LRRTM4: variants seen among roughly 807,000 people sequenced by gnomAD.
LRRTM4 encodes the protein leucine-rich repeat transmembrane neuronal protein 4.
Under a neutral mutation model 47.6 loss-of-function variants are expected in LRRTM4, and 25 were observed. The observed-to-expected ratio is 0.53, with a 90% CI of 0.38 to 0.73. The LOEUF (loss-of-function observed/expected upper bound fraction) is 0.73, where lower values mean the gene tolerates loss of function less well. LRRTM4 is among the 30% of genes least tolerant of loss of function. The pLI, the probability that LRRTM4 is intolerant of heterozygous loss-of-function variation, is 0.00. For missense variants in LRRTM4, 638 were observed against 713.4 expected (o/e 0.89, Z 1.20); for synonymous variants, 311 against 269.5 (o/e 1.15, Z -1.51).
intron 3 of LRRTM4, among the ~76,000 whole-genome samples, chr2:77,448,790 T>G (rs1244056885): frequency 6.6e-6 from 1 of 152,180 alleles, no homozygotes; most frequent in Non-Finnish European, 1.5e-5. Context: ...GAACAGTATA[T>G]TGTTTCCGCG....
At chr2:77,117,678 AT>A (rs1378813966) in intron 3 of LRRTM4, among the ~76,000 whole-genome samples, 4 of 151,960 alleles carry the variant, frequency 2.6e-5, no homozygotes, top group African/African-American at 7.2e-5. Context: ...AGCTGATTTA[AT>A]TTTTTTAAGG....
At chr2:76,829,300 G>C (rs961109089) in intron 3 of LRRTM4, among the ~76,000 whole-genome samples, 3 of 151,892 alleles carry the variant, frequency 2.0e-5, no homozygotes, top group Admixed American at 6.6e-5. Flanking sequence ...CTCGAGTGCA[G>C]GAAGAACTAG....
intron 3 of LRRTM4, among the ~76,000 whole-genome samples, chr2:77,365,953 T>C (rs1672434208): frequency 2.0e-5 from 3 of 149,268 alleles, no homozygotes; most frequent in Admixed American, 6.7e-5. Flanking sequence ...ATTATATATA[T>C]ATAAAATCTA....
At chr2:77,360,955 C>A (rs1672184011) in intron 3 of LRRTM4, among the ~76,000 whole-genome samples, 1 of 152,068 alleles carries the variant, frequency 6.6e-6, no homozygotes, top group Non-Finnish European at 1.5e-5. Context: ...TACATACCCA[C>A]CATTTATCCC....
intron 3 of LRRTM4, among the ~76,000 whole-genome samples, chr2:77,311,796 C>G (rs1342203084): frequency 6.6e-6 from 1 of 152,058 alleles, no homozygotes. Context: ...AAAACAAAAA[C>G]CACAAAAGAC....
chr2:77,059,609 T>C (rs1558555774), intron 3 of LRRTM4, among the ~76,000 whole-genome samples: 1 of 152,164 alleles, frequency 6.6e-6, no homozygotes, highest in Non-Finnish European at 1.5e-5. Flanking sequence ...ATGAGTTACA[T>C]GGGATTCCTT....
intron 3 of LRRTM4, among the ~76,000 whole-genome samples, chr2:77,380,282 G>A (rs530484847): frequency 9.7e-4 from 147 of 152,208 alleles, no homozygotes; most frequent in African/African-American, 3.2e-3. Context: ...TAAATGGAAA[G>A]CCTCATGCAC....
At chr2:77,144,421 CA>C (rs756446254) in intron 3 of LRRTM4, among the ~76,000 whole-genome samples, 1,482 of 137,428 alleles carry the variant, frequency 0.011, 15 homozygotes, top group African/African-American at 0.027. Flanking sequence ...TGCATGGGGT[CA>C]AAAAAAAAAA....
intron 3 of LRRTM4, among the ~76,000 whole-genome samples, chr2:77,004,062 T>C (rs1281080471): frequency 6.6e-6 from 1 of 152,116 alleles, no homozygotes; most frequent in African/African-American, 2.4e-5. Context: ...TGGAAGAAAT[T>C]TCTAAGTAGC....
At chr2:77,195,651 T>C (rs1673799795) in intron 3 of LRRTM4, among the ~76,000 whole-genome samples, 2 of 152,148 alleles carry the variant, frequency 1.3e-5, no homozygotes, top group Non-Finnish European at 2.9e-5. Flanking sequence ...CATGAAACCA[T>C]GGCAGTCAAA....
At chr2:77,359,596 A>G (rs1049240955) in intron 3 of LRRTM4, among the ~76,000 whole-genome samples, 2 of 152,208 alleles carry the variant, frequency 1.3e-5, no homozygotes, top group Admixed American at 6.5e-5. Flanking sequence ...TTACATGATC[A>G]TTAAGGTTTT....
At chr2:76,881,166 T>C (rs908558969) in intron 3 of LRRTM4, among the ~76,000 whole-genome samples, 9 of 152,172 alleles carry the variant, frequency 5.9e-5, no homozygotes, top group African/African-American at 1.7e-4. Flanking sequence ...TCACTATAAA[T>C]TGTGTATATG....
chr2:76,896,396 T>G (rs1045034925), intron 3 of LRRTM4, among the ~76,000 whole-genome samples: 1 of 152,086 alleles, frequency 6.6e-6, no homozygotes, highest in Non-Finnish European at 1.5e-5. Flanking sequence ...TTTCATCAGA[T>G]ATAGACATAT....
At chr2:77,364,354 A>C (rs1372558968) in intron 3 of LRRTM4, among the ~76,000 whole-genome samples, 1 of 152,120 alleles carries the variant, frequency 6.6e-6, no homozygotes, top group Non-Finnish European at 1.5e-5. Flanking sequence ...TACAACGTTG[A>C]TTCAATTTTA....
At chr2:76,951,207 A>G (rs1675481826) in intron 3 of LRRTM4, among the ~76,000 whole-genome samples, 1 of 152,058 alleles carries the variant, frequency 6.6e-6, no homozygotes, top group Non-Finnish European at 1.5e-5. Flanking sequence ...ATAAAGCTGA[A>G]GTGATTAGCA....
At chr2:77,138,361 C>A (rs949081146) in intron 3 of LRRTM4, among the ~76,000 whole-genome samples, 9 of 152,082 alleles carry the variant, frequency 5.9e-5, no homozygotes, top group African/African-American at 2.2e-4. Context: ...AAAACCTGCT[C>A]CTGAATGACT....
chr2:76,919,912 A>C (rs994802098), intron 3 of LRRTM4, among the ~76,000 whole-genome samples: 1 of 152,146 alleles, frequency 6.6e-6, no homozygotes, highest in Admixed American at 6.5e-5. Flanking sequence ...AACAGCTGCA[A>C]TATTCCTGTT....
chr2:77,126,644 T>C (rs999382544), intron 3 of LRRTM4, among the ~76,000 whole-genome samples: 1 of 152,156 alleles, frequency 6.6e-6, no homozygotes, highest in African/African-American at 2.4e-5. Context: ...GAAATATGCG[T>C]TGTAAAGAGA....
intron 3 of LRRTM4, among the ~76,000 whole-genome samples, chr2:76,855,152 T>C (rs1232347222): frequency 6.6e-6 from 1 of 152,202 alleles, no homozygotes; most frequent in Admixed American, 6.5e-5. Flanking sequence ...AGGAGCCTGC[T>C]TGCGGAGACA....
Sources: allele counts gnomAD v4.1 joint callset (sites outside exome capture counted in the v4.1 genomes callset), GRCh38; gene constraint gnomAD v4.1.1; transcripts MANE v1.5; gene names NCBI Gene and HGNC (gene_info 2026-07-23, HGNC 2026-07-21).